Variants in PDE11A observed in about 807,000 individuals in gnomAD.
PDE11A encodes dual 3',5'-cyclic-AMP and -GMP phosphodiesterase 11A.
A neutral mutation model predicts 100.5 loss-of-function variants in PDE11A; 100 were observed. That is an observed-to-expected ratio of 1.00 (90% CI 0.85 to 1.18). PDE11A has a LOEUF of 1.18. Ranked by LOEUF, PDE11A falls within the 50% of genes most tolerant of loss-of-function variation. The probability of loss-of-function intolerance (pLI) is 0.00; values close to 1 mark genes in which losing one functional copy is unlikely to be tolerated. For missense variants in PDE11A, 1,141 were observed against 1,152.6 expected (o/e 0.99, Z 0.15); for synonymous variants, 381 against 420.8 (o/e 0.91, Z 1.16).
chr2:177,865,095 AT>A (rs1347361494), intron 5 of PDE11A, among the ~76,000 whole-genome samples: 3 of 152,190 alleles, frequency 2.0e-5, no homozygotes, highest in Non-Finnish European at 4.4e-5. Context: ...CCTGGCCAAC[AT>A]GGCAAAACCC....
chr2:177,845,174 C>G (rs1477256543), intron 5 of PDE11A, among the ~76,000 whole-genome samples: 2 of 148,744 alleles, frequency 1.3e-5, no homozygotes. Context: ...GGGGCTGACC[C>G]CCCCCACCTC....
intron 4 of PDE11A, among the ~76,000 whole-genome samples, chr2:177,881,660 G>T (rs556741027): frequency 6.6e-6 from 1 of 152,328 alleles, no homozygotes; most frequent in South Asian, 2.1e-4. Context: ...AAGCAGGAGT[G>T]GGCAAAGGAT....
In PDE11A at chr2:178,047,040, A is replaced by AT. The variant is rs200317102; in HGVS notation, c.912+24485dup. ...TAATTATGCAGAAAAACTTTCTGGG[A>AT]TTTTTTTTTTTTTTACTTGGAGACA... On this transcript the variant is annotated intron_variant, in intron 1 of 19. Coordinates refer to ENST00000286063, the MANE Select transcript of PDE11A (RefSeq NM_016953.4). 1.8e-3 allele frequency among the ~76,000 whole-genome samples: 258 copies of AT among 144,154 alleles called. 1 individual carries two copies. The highest frequency in any genetic ancestry group is 3.1e-3 in the African/African-American group (123 of 39,496). The allele number at this position is 144,154 out of a possible 152,430, so 94.6% of individuals were successfully genotyped here.
At chr2:177,863,849 C>A (rs768107816) in intron 5 of PDE11A, among the ~76,000 whole-genome samples, 14 of 151,988 alleles carry the variant, frequency 9.2e-5, no homozygotes, top group Non-Finnish European at 1.9e-4. Flanking sequence ...TACATACTTA[C>A]AAGAAATGAA....
intron 2 of PDE11A, among the ~76,000 whole-genome samples, chr2:177,961,887 A>C (rs1006779206): frequency 2.0e-5 from 3 of 151,836 alleles, no homozygotes; most frequent in Non-Finnish European, 4.4e-5. Context: ...TGATGAGACC[A>C]CATCTCTACT....
intron 9 of PDE11A, among the ~76,000 whole-genome samples, chr2:177,782,588 C>T (rs2082469471): frequency 6.6e-6 from 1 of 152,066 alleles, no homozygotes; most frequent in Non-Finnish European, 1.5e-5. Context: ...TCATCTTGGC[C>T]TTTGAGTTCT....
chr2:177,904,373 C>T (rs1207531920), intron 3 of PDE11A, among the ~76,000 whole-genome samples: 1 of 151,986 alleles, frequency 6.6e-6, no homozygotes, highest in Non-Finnish European at 1.5e-5. Context: ...TGGTTTCAAT[C>T]CAAAAATTGT....
chr2:177,956,360 A>G (rs1038637968), intron 2 of PDE11A, among the ~76,000 whole-genome samples: 19 of 152,186 alleles, frequency 1.2e-4, no homozygotes, highest in African/African-American at 4.6e-4. Context: ...CCACAATGAG[A>G]TACCATCTCA....
chr2:177,748,391 T>G (rs1321653676), intron 10 of PDE11A, among the ~76,000 whole-genome samples: 1 of 152,184 alleles, frequency 6.6e-6, no homozygotes, highest in Non-Finnish European at 1.5e-5. Flanking sequence ...CTTCTGAAAA[T>G]GAATCAAGTC....
intron 1 of PDE11A, among the ~76,000 whole-genome samples, chr2:178,063,199 A>G (rs1243430156): frequency 6.6e-6 from 1 of 152,206 alleles, no homozygotes; most frequent in East Asian, 1.9e-4. Context: ...AATTTAACAT[A>G]TCTGTGTTTG....
At chr2:177,803,396 A>G (rs1399919907) in intron 9 of PDE11A, among the ~76,000 whole-genome samples, 7 of 151,832 alleles carry the variant, frequency 4.6e-5, no homozygotes, top group Non-Finnish European at 7.4e-5. Context: ...ACTAATACCA[A>G]TCCTCCTGAA....
intron 8 of PDE11A, among the ~76,000 whole-genome samples, chr2:177,817,409 G>A (rs1158533977): frequency 1.3e-5 from 2 of 152,158 alleles, no homozygotes; most frequent in South Asian, 2.1e-4. Context: ...ATAACCATGG[G>A]TTTTCATGTT....
At chr2:177,986,002 AGGCAAAAAG>A (rs1183710379) in intron 2 of PDE11A, among the ~76,000 whole-genome samples, 16 of 152,356 alleles carry the variant, frequency 1.1e-4, no homozygotes, top group Non-Finnish European at 7.4e-5. Context: ...CAAGGAAACA[AGGCAAAAAG>A]GATCCTTTTG....
intron 5 of PDE11A, among the ~76,000 whole-genome samples, chr2:177,872,642 A>G (rs2084158342): frequency 6.6e-6 from 1 of 152,234 alleles, no homozygotes; most frequent in South Asian, 2.1e-4. Flanking sequence ...GTCTTCTAAA[A>G]ACTACACTAT....
At chr2:177,890,068 T>C (rs925940773) in intron 4 of PDE11A, among the ~76,000 whole-genome samples, 4 of 152,210 alleles carry the variant, frequency 2.6e-5, no homozygotes, top group Non-Finnish European at 4.4e-5. Context: ...TTTGAGTGTG[T>C]TCTCACCAAC....
chr2:177,953,752 G>A (rs1333442162), intron 2 of PDE11A, among the ~76,000 whole-genome samples: 3 of 152,004 alleles, frequency 2.0e-5, no homozygotes, highest in Non-Finnish European at 4.4e-5. Context: ...TAAACCCTTG[G>A]TGAGTTCATC....
chr2:177,945,910 G>A (rs1438877540), intron 2 of PDE11A, among the ~76,000 whole-genome samples: 32 of 142,812 alleles, frequency 2.2e-4, no homozygotes, highest in South Asian at 9.1e-4. Context: ...CAGCCGCCCC[G>A]TCCGGGAGGT....
rs563271666 is a variant in PDE11A, at chr2:177,623,421, A to G, written c.*5986T>C. On this transcript the variant is annotated 3_prime_UTR_variant, in exon 20 of 20. Transcript: ENST00000286063. ...AAAGTGAATGATTTCAAACAACTCAATTGAAAACGTATTTCCTTTCTTTCG... is the reference window on the plus strand; with the variant it reads ...AAAGTGAATGATTTCAAACAACTCAGTTGAAAACGTATTTCCTTTCTTTCG... The G allele has an allele frequency of 5.9e-5, 9 of 152,250 alleles. No homozygotes were observed. Among genetic ancestry groups the G allele is most frequent in the Non-Finnish European group, 8.8e-5 (6 of 68,042 alleles). The allele number at this position is 152,250 out of a possible 1,614,324, so 9.4% of individuals were successfully genotyped here.
chr2:178,068,862 T>C (rs1043431216), intron 1 of PDE11A, among the ~76,000 whole-genome samples: 4 of 152,216 alleles, frequency 2.6e-5, no homozygotes, highest in Admixed American at 2.6e-4. Context: ...TATAGAACTT[T>C]TGATAGGCTA....
Sources: gnomAD v4.1 joint callset for allele counts (sites outside exome capture counted in the v4.1 genomes callset) on GRCh38, gnomAD v4.1.1 for gene constraint, MANE v1.5 for transcripts, NCBI Gene and HGNC (gene_info 2026-07-23, HGNC 2026-07-21) for gene names.